Variants in FBLN7 observed in about 807,000 individuals in gnomAD.
FBLN7 encodes fibulin-7.
FBLN7 carries 31 observed loss-of-function variants against 44.0 expected under a neutral mutation model. The ratio of observed to expected loss-of-function variants is 0.70; its 90% CI spans 0.53 to 0.95. The LOEUF is 0.95. Among genes scored for constraint, FBLN7 ranks in the 40% least tolerant of loss-of-function variants. The probability of loss-of-function intolerance (pLI) is 0.00; values close to 1 mark genes in which losing one functional copy is unlikely to be tolerated. For synonymous variants in FBLN7, 262 were observed against 253.4 expected (o/e 1.03, Z -0.32); for missense variants, 573 against 618.5 (o/e 0.93, Z 0.78).
chr2:112,238,229 G>T, the FBLN7 span: 2 of 1,318,430 alleles, frequency 1.5e-6, no homozygotes, highest in Non-Finnish European at 2.1e-6. Context: ...AAGATAAAGT[G>T]CAAAGAAAAA....
intron 7 of FBLN7, among the ~76,000 whole-genome samples, chr2:112,186,149 G>A (rs528856603): frequency 6.6e-6 from 1 of 152,274 alleles, no homozygotes; most frequent in South Asian, 2.1e-4. Context: ...TGAAGGGATA[G>A]GGAACGGGTC....
chr2:112,191,526 C>T (rs1243289066), downstream of FBLN7, among the ~76,000 whole-genome samples: 1 of 152,246 alleles, frequency 6.6e-6, no homozygotes, highest in East Asian at 1.9e-4. Flanking sequence ...CTCTCTTTCT[C>T]TCATTCTGAA....
intron 3 of FBLN7, among the ~76,000 whole-genome samples, chr2:112,173,104 G>T (rs1682560028): frequency 6.6e-6 from 1 of 152,224 alleles, no homozygotes; most frequent in Non-Finnish European, 1.5e-5. Context: ...TGGTCATCCA[G>T]ACAAAAGTGC....
In FBLN7 at chr2:112,181,811, C is replaced by G; in HGVS notation, c.605C>G (p.Ala202Gly). The G allele has an allele frequency of 6.6e-7, 1 of 1,510,710 alleles. No individual in the cohort carries two copies. Among genetic ancestry groups the G allele is most frequent in the Non-Finnish European group, 8.8e-7 (1 of 1,136,412 alleles). The allele number at this position is 1,510,710 out of a possible 1,614,324, so 93.6% of individuals were successfully genotyped here. Residue 202 changes from alanine to glycine, a missense_variant, in exon 5 of 8, where the codon GCT (alanine) becomes GGT (glycine). By Grantham distance (60) the Ala-to-Gly change is moderately conservative. Transcript: ENST00000331203. ...CCGCGCTGTGCGCAGGTGGAGCGGG[C>G]TCAGCACTGCAGCTGCGAGGCCGGA... ...RAPRCAQVER[A>G]QHCSCEAGFH...
intron 4 of FBLN7, among the ~76,000 whole-genome samples, chr2:112,180,865 G>A (rs1412044173): frequency 6.9e-6 from 1 of 145,692 alleles, no homozygotes; most frequent in Non-Finnish European, 1.5e-5. Flanking sequence ...AGAGCTCGCA[G>A]TGAGCGGAGA....
intron 3 of FBLN7, among the ~76,000 whole-genome samples, chr2:112,171,966 C>T (rs1319358439): frequency 6.6e-6 from 1 of 152,166 alleles, no homozygotes; most frequent in East Asian, 1.9e-4. Flanking sequence ...CCAGGATGGT[C>T]TCGATCTCCT....
intron 3 of FBLN7, among the ~76,000 whole-genome samples, chr2:112,170,320 A>T (rs1682392492): frequency 6.6e-6 from 1 of 152,108 alleles, no homozygotes; most frequent in Non-Finnish European, 1.5e-5. Context: ...TGAGGTCAGG[A>T]GTTCGAGACC....
intron 2 of FBLN7, among the ~76,000 whole-genome samples, chr2:112,160,226 G>A (rs1000995309): frequency 7.2e-5 from 11 of 152,074 alleles, no homozygotes; most frequent in East Asian, 5.8e-4. Context: ...TCCTGACCTC[G>A]TGATCCGCCC....
chr2:112,197,161 T>C, the FBLN7 span, among the ~76,000 whole-genome samples: 1 of 151,576 alleles, frequency 6.6e-6, no homozygotes, highest in South Asian at 2.1e-4. Flanking sequence ...TGATGTTATT[T>C]AGTAATAATG....
chr2:112,214,701 T>G, the FBLN7 span: 3 of 151,984 alleles, frequency 2.0e-5, no homozygotes, highest in Non-Finnish European at 4.4e-5. Context: ...GGAAATCTGC[T>G]CTGAGGAACC....
the FBLN7 span, chr2:112,213,351 T>C: frequency 6.6e-6 from 1 of 151,792 alleles, no homozygotes. Flanking sequence ...ATGCTGAAAC[T>C]CAGGAAACCT....
intron 1 of FBLN7, among the ~76,000 whole-genome samples, chr2:112,143,606 CAG>C (rs1680757152): frequency 6.6e-6 from 1 of 152,210 alleles, no homozygotes; most frequent in African/African-American, 2.4e-5. Context: ...CCACCACAAT[CAG>C]GGTACAGAAC....
the FBLN7 span, among the ~76,000 whole-genome samples, chr2:112,243,669 A>G: frequency 5.9e-5 from 9 of 152,322 alleles, no homozygotes; most frequent in African/African-American, 1.9e-4. Context: ...TGTGTTGTGG[A>G]AACTTGTTTT....
intron 1 of FBLN7, among the ~76,000 whole-genome samples, chr2:112,157,213 T>C (rs1462834484): frequency 1.3e-5 from 2 of 151,822 alleles, no homozygotes; most frequent in African/African-American, 4.8e-5. Flanking sequence ...CTACTAAAAA[T>C]ACAAAAATTA....
intron 1 of FBLN7, among the ~76,000 whole-genome samples, chr2:112,145,145 C>T (rs1474706010): frequency 1.3e-5 from 2 of 152,170 alleles, no homozygotes; most frequent in Non-Finnish European, 2.9e-5. Context: ...TTCTAGTAAG[C>T]ATGCAGTGGT....
At chr2:112,159,542 C>A in intron 1 of FBLN7, 134 bp from the exon 2 acceptor site, 4 of 1,062,838 alleles carry the variant, frequency 3.8e-6, no homozygotes, top group South Asian at 2.1e-5. Context: ...AGCGGCAGGT[C>A]ACTTTTACGT....
At chr2:112,199,054 G>A in the FBLN7 span, among the ~76,000 whole-genome samples, 7 of 152,144 alleles carry the variant, frequency 4.6e-5, no homozygotes, top group Non-Finnish European at 1.0e-4. Context: ...CTAGGAACCA[G>A]GATGCATGAC....
At chr2:112,240,952 A>AGTGT in the FBLN7 span, among the ~76,000 whole-genome samples, 1,645 of 142,688 alleles carry the variant, frequency 0.012, 22 homozygotes, top group African/African-American at 0.034. Context: ...TACAGGTAAC[A>AGTGT]GTGTGTGTGT....
intron 3 of FBLN7, among the ~76,000 whole-genome samples, chr2:112,167,918 A>ATGTTATGTTATGTTATGTTG (rs1682254514): frequency 6.6e-6 from 1 of 151,928 alleles, no homozygotes; most frequent in Non-Finnish European, 1.5e-5. Context: ...ATGTTATGTT[A>ATGTTATGTTATGTTATGTTG]TGTTCACTGC....
Sources: allele counts gnomAD v4.1 joint callset (sites outside exome capture counted in the v4.1 genomes callset), GRCh38; gene constraint gnomAD v4.1.1; transcripts MANE v1.5; gene names NCBI Gene and HGNC (gene_info 2026-07-23, HGNC 2026-07-21).